The following IGHMBP2 variants were observed in gnomAD, a reference collection of about 807,000 sequenced individuals.
IGHMBP2 encodes immunoglobulin mu DNA binding protein 2.
In IGHMBP2, 81 loss-of-function variants were observed where a neutral mutation model predicts 96.0. The ratio of observed to expected loss-of-function variants is 0.84; its 90% CI spans 0.71 to 1.01. IGHMBP2 has a LOEUF of 1.01. Among genes scored for constraint, IGHMBP2 ranks in the 50% least tolerant of loss-of-function variants. IGHMBP2 has a pLI of 0.00. For synonymous variants in IGHMBP2, 557 were observed against 548.9 expected (o/e 1.01, Z -0.21); for missense variants, 1,227 against 1,306.3 (o/e 0.94, Z 0.94).
rs1859404784 is a variant in IGHMBP2, at chr11:68,933,647, G to C, written c.1419-148G>C. 16 of 1,032,138 alleles carry C rather than the reference G, an allele frequency of 1.6e-5. 1 individual carries two copies. In the South Asian group the frequency reaches 1.9e-4, roughly 12 times the overall value. The allele number at this position is 1,032,138 out of a possible 1,614,324, so 63.9% of individuals were successfully genotyped here. On this transcript the variant is annotated intron_variant, in intron 9 of 14. Coordinates refer to ENST00000255078, the MANE Select transcript of IGHMBP2 (RefSeq NM_002180.3). The stretch of plus-strand genomic sequence containing the variant: ...GCCTTGCCCTGGAGAGCTGGGTCAG[G>C]CCCGCTCCCTCCCTTCTGATGTCCT...
rs986217030 is a variant in IGHMBP2 at position 68,908,357 on chromosome 11, A to C, written c.449+20A>C. The C allele has an allele frequency of 1.9e-6, 3 of 1,602,474 alleles. No homozygotes were observed. The East Asian group carries it at 6.7e-5, about 36-fold the overall frequency. ...GAAAAAGTAAGTGGATGGGACTGGA[A>C]ATCCTAAGTACCATCTTCCTTCAAC... is the stretch of plus-strand genomic sequence containing the variant. On this transcript the variant is annotated intron_variant, in intron 3 of 14. Coordinates refer to ENST00000255078, the MANE Select transcript of IGHMBP2 (RefSeq NM_002180.3).
In IGHMBP2 at chr11:68,934,290, C is replaced by T. The variant is rs149957307; in HGVS notation, c.1538-174C>T. On this transcript the variant is annotated intron_variant, in intron 10 of 14. Transcript: ENST00000255078. ...ATTGCTGATGTGAAATTCAAGTTAGCTGGGCATGGCTGGTCCTGGGGCCCT... is the reference window on the plus strand; with the variant it reads ...ATTGCTGATGTGAAATTCAAGTTAGTTGGGCATGGCTGGTCCTGGGGCCCT... 278 of 679,332 alleles carry T rather than the reference C, an allele frequency of 4.1e-4. 1 individual carries two copies. The highest frequency in any genetic ancestry group is 3.5e-3 in the African/African-American group (201 of 56,788). The allele number at this position is 679,332 out of a possible 1,614,324, so 42.1% of individuals were successfully genotyped here.
At chr11:68,924,253 C>T (rs1438234230) in intron 7 of IGHMBP2, among the ~76,000 whole-genome samples, 2 of 152,196 alleles carry the variant, frequency 1.3e-5, no homozygotes, top group East Asian at 3.8e-4. Flanking sequence ...GAGAGCACTC[C>T]CGTTACAGAG....
rs761060846 is a variant in IGHMBP2 at position 68,938,351 on chromosome 11, C to T, written c.2781C>T (p.Pro927=). Residue 927 remains proline, a synonymous_variant, in exon 14 of 15, where the codon CCC becomes CCT. Transcript: ENST00000255078. ...SRRYCLSHHL[P]EIHGCGERAR... ...GCTACTGCCTCAGCCACCACCTGCCCGAGGTATGTCGGCCTCCCCTCCTGC... is the reference window on the plus strand; with the variant it reads ...GCTACTGCCTCAGCCACCACCTGCCTGAGGTATGTCGGCCTCCCCTCCTGC... 40 of 1,607,680 alleles carry T rather than the reference C, an allele frequency of 2.5e-5. No individual in the cohort carries two copies. The highest frequency in any genetic ancestry group is 6.7e-5 in the African/African-American group (5 of 74,782).
rs545716787 is a variant in IGHMBP2, at chr11:68,917,392, G to A, written c.913-344G>A. On this transcript the variant is annotated intron_variant, in intron 6 of 14. Transcript: ENST00000255078. ...TATGTGAAGCTCAGTCTCTCTATTC[G>A]TAAGCTCCTACAACCCAAATCCTGG... Among the ~76,000 whole-genome samples, 10 of 152,202 alleles carry A rather than the reference G, an allele frequency of 6.6e-5. No individual in the cohort carries two copies. The East Asian group carries it at 1.2e-3, about 18-fold the overall frequency.
At chr11:68,917,605 AAGG>A in intron 6 of IGHMBP2, 128 bp from the exon 7 acceptor site, 1 of 769,292 alleles carries the variant, frequency 1.3e-6, no homozygotes, top group Non-Finnish European at 2.2e-6. Context: ...TGTCTCTTTC[AAGG>A]AAGATTTCTG....
chr11:68,913,011 C>T (rs374316904), intron 5 of IGHMBP2, among the ~76,000 whole-genome samples: 1 of 122,074 alleles, frequency 8.2e-6, no homozygotes, highest in East Asian at 2.3e-4. Context: ...CATTGCACTC[C>T]AGCCTGGGCA....
intron 12 of IGHMBP2, among the ~76,000 whole-genome samples, chr11:68,935,749 G>A (rs1055438607): frequency 1.3e-5 from 2 of 152,228 alleles, no homozygotes. Flanking sequence ...ACGGAGCCGC[G>A]GGGTGTGGTG....
rs537149910 is a variant in IGHMBP2 at position 68,930,465 on chromosome 11, T to C, written c.1235+1108T>C. ...TAGAGAGAGGTGTCAAAAATAGTAA[T>C]TGAGAGTGAGCTTTGGGAGGAAGAT... On this transcript the variant is annotated intron_variant, in intron 8 of 14. Transcript: ENST00000255078. 3.2e-5 allele frequency: 41 copies of C among 1,283,766 alleles called. No individual in the cohort carries two copies. The East Asian group carries it at 1.7e-3, about 53-fold the overall frequency. The allele number at this position is 1,283,766 out of a possible 1,614,324, so 79.5% of individuals were successfully genotyped here. A position where few individuals can be genotyped will look rare whatever the true frequency, so the allele number is the denominator to read the frequency against.
At chr11:68,933,256 G>A (rs1859383244) in intron 8 of IGHMBP2, 43 bp from the exon 9 acceptor site, 1 of 1,578,566 alleles carries the variant, frequency 6.3e-7, no homozygotes, top group Non-Finnish European at 8.6e-7. Context: ...CCTGGACTCT[G>A]GGGCTCAGGC....
intron 5 of IGHMBP2, among the ~76,000 whole-genome samples, chr11:68,911,901 T>A (rs1421680839): frequency 6.6e-6 from 1 of 152,238 alleles, no homozygotes; most frequent in African/African-American, 2.4e-5. Context: ...TTCACCACGC[T>A]TGCTGTGCTC....
chr11:68,938,425 C>T, intron 14 of IGHMBP2, 71 bp downstream of exon 14: 1 of 1,396,582 alleles, frequency 7.2e-7, no homozygotes. Context: ...GGAAGCAGAC[C>T]CTGGGCAGAC....
chr11:68,922,324 AAAAG>A (rs1433125595), intron 7 of IGHMBP2, among the ~76,000 whole-genome samples: 6 of 152,126 alleles, frequency 3.9e-5, no homozygotes. Context: ...CTCAAAAAAA[AAAAG>A]AAAGAAAATG....
Position 68,933,346 on chromosome 11 carries a change from AG to A in IGHMBP2, c.1285del (p.Glu429SerfsTer10). On this transcript the variant is annotated frameshift_variant, in exon 9 of 15. Transcript: ENST00000255078. LOFTEE classifies it high-confidence loss of function. Reference sequence around the variant, plus strand: ...CTCAGCCTGATGGAACGCCTGGCTGAGGAGTACGGCGCGAGGGTGGTGCGGA... The same window carrying A: ...CTCAGCCTGATGGAACGCCTGGCTGAGAGTACGGCGCGAGGGTGGTGCGGA... Reference protein sequence around the residue: ...LSLSLMERLAEEYGARVVRTL... With the variant: ...LSLSLMERLAXEYGARVVRTL... 2 of 1,613,160 alleles carry A rather than the reference AG, an allele frequency of 1.2e-6. No individual in the cohort carries two copies. Among genetic ancestry groups the A allele is most frequent in the Non-Finnish European group, 1.7e-6 (2 of 1,179,916 alleles).
At chr11:68,933,269 G>A (rs369910206) in intron 8 of IGHMBP2, 30 bp from the exon 9 acceptor site, 4 of 1,601,346 alleles carry the variant, frequency 2.5e-6, no homozygotes, top group East Asian at 4.5e-5. Flanking sequence ...GCTCAGGCCT[G>A]CCTTCCCCCT....
intron 7 of IGHMBP2, among the ~76,000 whole-genome samples, chr11:68,928,138 G>T (rs1859142400): frequency 1.3e-5 from 2 of 152,192 alleles, no homozygotes; most frequent in African/African-American, 4.8e-5. Flanking sequence ...TCCTTCTCTG[G>T]CTTCAAGGAC....
intron 7 of IGHMBP2, among the ~76,000 whole-genome samples, chr11:68,922,822 C>T (rs2154007809): frequency 1.3e-5 from 2 of 152,322 alleles, no homozygotes; most frequent in South Asian, 4.1e-4. Flanking sequence ...TTATCTTGCA[C>T]AGCTGAACCT....
intron 7 of IGHMBP2, among the ~76,000 whole-genome samples, chr11:68,918,173 T>C (rs1209663977): frequency 6.6e-6 from 1 of 152,222 alleles, no homozygotes; most frequent in Non-Finnish European, 1.5e-5. Flanking sequence ...TTTAGAGGCA[T>C]GAAGTGGTTC....
intron 4 of IGHMBP2, among the ~76,000 whole-genome samples, chr11:68,910,497 C>T (rs773097798): frequency 2.0e-5 from 3 of 152,304 alleles, no homozygotes; most frequent in African/African-American, 4.8e-5. Flanking sequence ...GCTCCTTATC[C>T]GATAGGCGTC....
Sources: allele counts gnomAD v4.1 joint callset (sites outside exome capture counted in the v4.1 genomes callset), GRCh38; gene constraint gnomAD v4.1.1; transcripts MANE v1.5; gene names NCBI Gene and HGNC (gene_info 2026-07-23, HGNC 2026-07-21).